PHACTR3: variants seen among roughly 807,000 people sequenced by gnomAD.
PHACTR3 encodes protein phosphatase 1, regulatory subunit 123.
PHACTR3 carries 16 observed loss-of-function variants against 66.8 expected under a neutral mutation model. The ratio of observed to expected loss-of-function variants is 0.24; its 90% CI spans 0.16 to 0.36. The LOEUF (loss-of-function observed/expected upper bound fraction) is 0.36, where lower values mean the gene tolerates loss of function less well. Ranked by LOEUF, PHACTR3 falls within the 10% of genes least tolerant of loss-of-function variation. The probability of loss-of-function intolerance (pLI) is 1.00; values close to 1 mark genes in which losing one functional copy is unlikely to be tolerated. For missense variants in PHACTR3, 647 were observed against 719.9 expected (o/e 0.90, Z 1.16); for synonymous variants, 323 against 292.1 (o/e 1.11, Z -1.08).
chr20:59,767,961 T>TCTCCCTTC lies in PHACTR3; in HGVS notation c.751+573_751+580dup, dbSNP rs375109626. Among the ~76,000 whole-genome samples, 265 of 152,202 alleles carry TCTCCCTTC rather than the reference T, an allele frequency of 1.7e-3. 1 individual carries two copies. The highest frequency in any genetic ancestry group is 6.2e-3 in the African/African-American group (256 of 41,488). ...GTCTCAGTCTCTTTCAGTCAGTCTC[T>TCTCCCTTC]CTCCCTTCCTCCCTCCCTCTCTCTG... On this transcript the variant is annotated intron_variant, in intron 5 of 12. Coordinates refer to ENST00000371015, the MANE Select transcript of PHACTR3 (RefSeq NM_080672.5).
At chr20:59,673,999 G>C (rs926785268) in intron 1 of PHACTR3, among the ~76,000 whole-genome samples, 1 of 152,136 alleles carries the variant, frequency 6.6e-6, no homozygotes, top group Non-Finnish European at 1.5e-5. Context: ...ATCCCGCGCT[G>C]GTCTCCAGAC....
At chr20:59,591,248 G>A (rs1361527296) in intron 1 of PHACTR3, among the ~76,000 whole-genome samples, 3 of 151,996 alleles carry the variant, frequency 2.0e-5, no homozygotes, top group Non-Finnish European at 4.4e-5. Flanking sequence ...CATCCTCTCC[G>A]AAGGCACCTG....
chr20:59,681,454 AT>A (rs916591217), intron 1 of PHACTR3, among the ~76,000 whole-genome samples: 39 of 152,304 alleles, frequency 2.6e-4, no homozygotes, highest in African/African-American at 9.1e-4. Context: ...CTCTAGAGGA[AT>A]GCCACAGGGG....
chr20:59,624,995 A>G (rs962622553), intron 1 of PHACTR3, among the ~76,000 whole-genome samples: 5 of 152,114 alleles, frequency 3.3e-5, no homozygotes, highest in Non-Finnish European at 7.4e-5. Context: ...ACATCTGGAC[A>G]TCATGTACCT....
chr20:59,617,783 G>A (rs576857233), intron 1 of PHACTR3, among the ~76,000 whole-genome samples: 8 of 152,172 alleles, frequency 5.3e-5, no homozygotes, highest in Admixed American at 1.3e-4. Context: ...TTCTCCCTTC[G>A]TCCCTCCTTC....
rs192925509 is a variant in PHACTR3, at chr20:59,790,513, A to G, written c.1175-15528A>G. 2.6e-5 allele frequency among the ~76,000 whole-genome samples: 4 copies of G among 152,360 alleles called. No homozygotes were observed. The East Asian group carries it at 7.7e-4, about 29-fold the overall frequency. ...TTTCTGCGGCTTTGGTTAGAAGTAG[A>G]AAAACAAACACTAACCTAAGTGTCC... On this transcript the variant is annotated intron_variant, in intron 7 of 12. Coordinates refer to ENST00000371015, the MANE Select transcript of PHACTR3 (RefSeq NM_080672.5).
intron 1 of PHACTR3, among the ~76,000 whole-genome samples, chr20:59,612,342 T>A (rs2146346850): frequency 6.6e-6 from 1 of 150,936 alleles, no homozygotes; most frequent in East Asian, 2.0e-4. Context: ...GGGCCCAGGT[T>A]GGTGAGACCA....
chr20:59,810,148 A>C (rs895320797), intron 8 of PHACTR3, among the ~76,000 whole-genome samples: 12 of 152,176 alleles, frequency 7.9e-5, no homozygotes, highest in African/African-American at 2.9e-4. Context: ...AACAAAAATT[A>C]TGGTGGGGCT....
chr20:59,686,683 GTGATGA>G (rs537137674), intron 1 of PHACTR3, among the ~76,000 whole-genome samples: 1 of 145,754 alleles, frequency 6.9e-6, no homozygotes, highest in Non-Finnish European at 1.5e-5. Context: ...GATGATGATG[GTGATGA>G]TGATGATTGT....
At chr20:59,710,262 T>A (rs760506470) in intron 1 of PHACTR3, among the ~76,000 whole-genome samples, 7 of 152,172 alleles carry the variant, frequency 4.6e-5, no homozygotes, top group Non-Finnish European at 1.0e-4. Context: ...GTGGCCTCAT[T>A]TACTCATCCC....
intron 1 of PHACTR3, among the ~76,000 whole-genome samples, chr20:59,724,762 CTCTCCTCAAAATGCTTACCTGCATTT>C (rs1321261900): frequency 3.9e-5 from 6 of 152,344 alleles, no homozygotes; most frequent in Non-Finnish European, 8.8e-5. Context: ...GACTCTCCCC[CTCTCCTCAAAATGCTTACCTGCATTT>C]TCATGATGCA....
At chr20:59,790,069 C>T (rs1182521) in intron 7 of PHACTR3, among the ~76,000 whole-genome samples, 116,788 of 152,158 alleles carry the variant, frequency 0.77, 48,213 homozygotes, top group Non-Finnish European at 0.93. Flanking sequence ...ATTTTAACTC[C>T]AAAGCCTCTT....
chr20:59,606,054 G>A (rs769084021), intron 1 of PHACTR3, among the ~76,000 whole-genome samples: 4 of 152,210 alleles, frequency 2.6e-5, no homozygotes, highest in Non-Finnish European at 4.4e-5. Flanking sequence ...GTATCTTAGA[G>A]AAGCACAATT....
intron 3 of PHACTR3, among the ~76,000 whole-genome samples, chr20:59,751,597 G>A (rs1322544786): frequency 1.3e-5 from 2 of 152,296 alleles, no homozygotes; most frequent in East Asian, 3.9e-4. Context: ...TCCCGGGGGT[G>A]AGGCAGCATC....
intron 1 of PHACTR3, among the ~76,000 whole-genome samples, chr20:59,615,889 T>C (rs1437197298): frequency 6.6e-6 from 1 of 152,122 alleles, no homozygotes; most frequent in Admixed American, 6.5e-5. Flanking sequence ...AGGTGGAGAA[T>C]TGGGGCCAGT....
chr20:59,627,504 A>G (rs939354313), intron 1 of PHACTR3, among the ~76,000 whole-genome samples: 4 of 152,174 alleles, frequency 2.6e-5, no homozygotes, highest in Admixed American at 6.5e-5. Context: ...GGGAGGAACC[A>G]TTGAGATGAG....
intron 7 of PHACTR3, among the ~76,000 whole-genome samples, chr20:59,802,586 T>G (rs1304752358): frequency 1.3e-5 from 2 of 152,192 alleles, no homozygotes; most frequent in African/African-American, 4.8e-5. Context: ...GGGAATGTCC[T>G]GAGCCCCACA....
At chr20:59,772,298 A>G (rs2040387056) in intron 5 of PHACTR3, among the ~76,000 whole-genome samples, 1 of 152,212 alleles carries the variant, frequency 6.6e-6, no homozygotes, top group African/African-American at 2.4e-5. Flanking sequence ...GTTTAGAATC[A>G]TCTTCAAAGT....
chr20:59,784,607 T>G (rs895749052), intron 7 of PHACTR3, among the ~76,000 whole-genome samples: 1 of 152,084 alleles, frequency 6.6e-6, no homozygotes, highest in African/African-American at 2.4e-5. Context: ...CATAGCCCAG[T>G]GTGAGACCTA....
Sources: gnomAD v4.1 joint callset for allele counts (sites outside exome capture counted in the v4.1 genomes callset) on GRCh38, gnomAD v4.1.1 for gene constraint, MANE v1.5 for transcripts, NCBI Gene and HGNC (gene_info 2026-07-23, HGNC 2026-07-21) for gene names.